EXOC4: variants seen among roughly 807,000 people sequenced by gnomAD.
EXOC4 encodes the protein SEC8-like 1.
In EXOC4, 71 loss-of-function variants were observed where a neutral mutation model predicts 107.2. The observed-to-expected ratio is 0.66, with a 90% confidence interval of 0.55 to 0.81. The LOEUF is 0.81. Among genes scored for constraint, EXOC4 ranks in the 30% least tolerant of loss-of-function variants. EXOC4 has a pLI of 0.00. For missense variants in EXOC4, 1,108 were observed against 1,189.6 expected (o/e 0.93, Z 1.01); for synonymous variants, 456 against 441.2 (o/e 1.03, Z -0.42).
At chr7:133,409,169 C>G (rs868477245) in intron 7 of EXOC4, among the ~76,000 whole-genome samples, 1 of 152,122 alleles carries the variant, frequency 6.6e-6, no homozygotes, top group South Asian at 2.1e-4. Context: ...AAATGTTTAG[C>G]TAAAATTCAA....
intron 2 of EXOC4, among the ~76,000 whole-genome samples, chr7:133,275,677 G>T (rs560126540): frequency 6.6e-6 from 1 of 152,264 alleles, no homozygotes; most frequent in Admixed American, 6.5e-5. Context: ...CCACAGAAGC[G>T]AGAATGTCTC....
At chr7:133,728,744 A>C (rs969410469) in intron 10 of EXOC4, among the ~76,000 whole-genome samples, 2 of 152,178 alleles carry the variant, frequency 1.3e-5, no homozygotes, top group African/African-American at 4.8e-5. Context: ...TGTACAAGTC[A>C]TTATACTGAG....
At position 133,451,107 on chromosome 7, in the gene EXOC4, A is replaced by G. The variant is rs185924011; in HGVS notation, c.1183-24221A>G. ...ACTTTCCTTCCACTGATGCAACACA[A>G]ACCATTCAGTATACGTGTTAACTCT... On this transcript the variant is annotated intron_variant, in intron 7 of 17. Transcript: ENST00000253861. 2.3e-3 allele frequency among the ~76,000 whole-genome samples: 345 copies of G among 152,298 alleles called. 2 individuals are homozygous for G. Among genetic ancestry groups the G allele is most frequent in the Non-Finnish European group, 4.1e-3 (277 of 68,020 alleles).
intron 10 of EXOC4, among the ~76,000 whole-genome samples, chr7:133,775,648 A>C (rs1796329991): frequency 6.6e-6 from 1 of 152,178 alleles, no homozygotes; most frequent in South Asian, 2.1e-4. Flanking sequence ...GAACTGTTGC[A>C]CAGTTAAAGC....
intron 14 of EXOC4, among the ~76,000 whole-genome samples, chr7:133,958,299 G>T (rs1800863990): frequency 6.6e-6 from 1 of 150,556 alleles, no homozygotes; most frequent in Non-Finnish European, 1.5e-5. Flanking sequence ...TTCAAAAACT[G>T]ATAGTAACAA....
chr7:133,507,193 TA>T (rs962429737), intron 9 of EXOC4, among the ~76,000 whole-genome samples: 3 of 151,844 alleles, frequency 2.0e-5, no homozygotes, highest in African/African-American at 7.3e-5. Flanking sequence ...TTTCTCAACT[TA>T]AAAAAAATAA....
intron 17 of EXOC4, among the ~76,000 whole-genome samples, chr7:134,026,107 T>C (rs1331547257): frequency 6.6e-6 from 1 of 152,136 alleles, no homozygotes; most frequent in African/African-American, 2.4e-5. Context: ...ATTTCTTGAA[T>C]CATGAAGCTA....
chr7:133,378,729 G>A (rs1017043641), intron 7 of EXOC4, among the ~76,000 whole-genome samples: 3 of 151,812 alleles, frequency 2.0e-5, no homozygotes, highest in African/African-American at 7.3e-5. Context: ...GCCAGTTGAG[G>A]GGATAAAATT....
intron 10 of EXOC4, among the ~76,000 whole-genome samples, chr7:133,663,516 A>G (rs1042450579): frequency 6.6e-6 from 1 of 152,130 alleles, no homozygotes; most frequent in Non-Finnish European, 1.5e-5. Flanking sequence ...AAAATATCCA[A>G]AACTGAGATA....
In EXOC4 at chr7:133,641,948, A is replaced by C. The variant is rs552098854; in HGVS notation, c.1514+11807A>C. Among the ~76,000 whole-genome samples the C allele has an allele frequency of 1.4e-4, 22 of 152,314 alleles. No homozygotes were observed. In the East Asian group the frequency reaches 4.1e-3, roughly 28 times the overall value. On this transcript the variant is annotated intron_variant, in intron 10 of 17. Coordinates refer to ENST00000253861, the MANE Select transcript of EXOC4 (RefSeq NM_021807.4). ...AAAATTGATACGAGGATTTCACTGA[A>C]GATTAAAAAGAAACCAACATCCTTC... is the stretch of plus-strand genomic sequence containing the variant.
chr7:133,418,087 A>G (rs913444903), intron 7 of EXOC4, among the ~76,000 whole-genome samples: 2 of 152,200 alleles, frequency 1.3e-5, no homozygotes, highest in African/African-American at 4.8e-5. Context: ...TCATCTCATA[A>G]AGATAATGTC....
At chr7:134,014,659 T>TG (rs910881686) in intron 17 of EXOC4, among the ~76,000 whole-genome samples, 7 of 152,036 alleles carry the variant, frequency 4.6e-5, no homozygotes, top group Admixed American at 4.6e-4. Flanking sequence ...GAGGAGTCTT[T>TG]GGGGGGTGAT....
At chr7:133,423,894 C>T (rs546673546) in intron 7 of EXOC4, among the ~76,000 whole-genome samples, 3 of 152,286 alleles carry the variant, frequency 2.0e-5, no homozygotes, top group South Asian at 2.1e-4. Context: ...CTCTGGGCTG[C>T]GGAGTGCCTG....
intron 9 of EXOC4, among the ~76,000 whole-genome samples, chr7:133,509,377 G>A (rs558972637): frequency 3.3e-5 from 5 of 150,820 alleles, no homozygotes; most frequent in Admixed American, 2.0e-4. Context: ...GCAGTGAGCC[G>A]AGATCACACC....
intron 9 of EXOC4, among the ~76,000 whole-genome samples, chr7:133,499,542 T>TAAA (rs1462953454): frequency 6.6e-6 from 1 of 152,134 alleles, no homozygotes; most frequent in African/African-American, 2.4e-5. Flanking sequence ...TGGAATTATT[T>TAAA]AGGGTATGTA....
At chr7:133,415,465 T>C (rs908585073) in intron 7 of EXOC4, among the ~76,000 whole-genome samples, 1 of 152,168 alleles carries the variant, frequency 6.6e-6, no homozygotes, top group African/African-American at 2.4e-5. Flanking sequence ...TTTTAGTGGG[T>C]GTGAGGTAGT....
chr7:133,919,125 T>C (rs1368826072), intron 13 of EXOC4, among the ~76,000 whole-genome samples: 1 of 152,218 alleles, frequency 6.6e-6, no homozygotes, highest in East Asian at 1.9e-4. Flanking sequence ...TTCTTCCTGT[T>C]TATGTTTTTC....
In EXOC4 at chr7:133,638,510, T is replaced by C. The variant is rs553594158; in HGVS notation, c.1514+8369T>C. ...AGTCAAGGAGTATAGTTGACTTCTG[T>C]GTCGCTTCAGCATTGACTTTCTTCT... On this transcript the variant is annotated intron_variant, in intron 10 of 17. Transcript: ENST00000253861. Among the ~76,000 whole-genome samples, 114 of 152,282 alleles carry C rather than the reference T, an allele frequency of 7.5e-4. 1 individual carries two copies. Among genetic ancestry groups the C allele is most frequent in the Non-Finnish European group, 1.4e-3 (98 of 68,006 alleles).
At chr7:133,592,513 G>T (rs1801573153) in intron 9 of EXOC4, among the ~76,000 whole-genome samples, 1 of 152,094 alleles carries the variant, frequency 6.6e-6, no homozygotes, top group African/African-American at 2.4e-5. Flanking sequence ...TGCAATCTCG[G>T]CTCACTGCCA....
Sources: allele counts gnomAD v4.1 joint callset (sites outside exome capture counted in the v4.1 genomes callset), GRCh38; gene constraint gnomAD v4.1.1; transcripts MANE v1.5; gene names NCBI Gene and HGNC (gene_info 2026-07-23, HGNC 2026-07-21).